Variants in ABHD13 observed in about 807,000 individuals in gnomAD.
ABHD13 encodes abhydrolase domain containing 13, also known as protein ABHD13.
In ABHD13, 7 loss-of-function variants were observed where a neutral mutation model predicts 25.2. That is an observed-to-expected ratio of 0.28 (90% CI 0.16 to 0.52). The LOEUF is 0.52. Ranked by LOEUF, ABHD13 falls within the 20% of genes least tolerant of loss-of-function variation. ABHD13 has a pLI of 0.96. For missense variants in ABHD13, 302 were observed against 402.7 expected, an observed-to-expected ratio of 0.75 and a Z score of 2.14; for synonymous variants, 133 against 136.1, an observed-to-expected ratio of 0.98 and a Z score of 0.16.
rs1485070381 is a variant in ABHD13, at chr13:108,233,352, A to G, written c.*3120A>G. 1 of 166,892 alleles carries G rather than the reference A, an allele frequency of 6.0e-6. No homozygotes were observed. The highest frequency in any genetic ancestry group is 1.9e-4 in the East Asian group (1 of 5,200). 10.3% of individuals were successfully genotyped at this position (166,892 alleles called of 1,614,324 possible). A position where few individuals can be genotyped will look rare whatever the true frequency, so the allele number is the denominator to read the frequency against. On this transcript the variant is annotated 3_prime_UTR_variant, in exon 2 of 2. Coordinates refer to ENST00000375898, the MANE Select transcript of ABHD13 (RefSeq NM_032859.3). ...TTTATAAATTATCTTTCAAGCTCAG[A>G]TAGCTTAAGAGCAGTTTATATTAAG... is the stretch of plus-strand genomic sequence containing the variant.
chr13:108,222,380 A>G (rs907987137), intron 1 of ABHD13, among the ~76,000 whole-genome samples: 2 of 152,086 alleles, frequency 1.3e-5, no homozygotes, highest in African/African-American at 2.4e-5. Flanking sequence ...TGGAGAAAAT[A>G]TTACTGGGTA....
At chr13:108,224,680 T>C (rs1458634547) in intron 1 of ABHD13, among the ~76,000 whole-genome samples, 13 of 152,158 alleles carry the variant, frequency 8.5e-5, no homozygotes, top group African/African-American at 3.1e-4. Flanking sequence ...AGCTTTACAG[T>C]TCTAGACGGC....
chr13:108,230,404 A>G lies in ABHD13; in HGVS notation c.*172A>G. On this transcript the variant is annotated 3_prime_UTR_variant, in exon 2 of 2. Coordinates refer to ENST00000375898, the MANE Select transcript of ABHD13 (RefSeq NM_032859.3). Reference sequence around the variant, plus strand: ...ATAGTTTTTTACATTGGAAAAACTAATTCTTGGGATTCTTTCATACATTTT... The same window carrying G: ...ATAGTTTTTTACATTGGAAAAACTAGTTCTTGGGATTCTTTCATACATTTT... The G allele has an allele frequency of 1.8e-6, 1 of 564,314 alleles. No homozygotes were observed. The highest frequency in any genetic ancestry group is 3.1e-6 in the Non-Finnish European group (1 of 322,140). 35.0% of individuals were successfully genotyped at this position (564,314 alleles called of 1,614,324 possible). A position where few individuals can be genotyped will look rare whatever the true frequency, so the allele number is the denominator to read the frequency against.
chr13:108,230,485 T>TA lies in ABHD13; in HGVS notation c.*255dup, dbSNP rs1297123082. On this transcript the variant is annotated 3_prime_UTR_variant, in exon 2 of 2. Coordinates refer to ENST00000375898, the MANE Select transcript of ABHD13 (RefSeq NM_032859.3). Reference sequence around the variant, plus strand: ...ATATCTTCAGTTTAATATGTCAGTATAATAGATATTGTTCAAAAGTTTCTT... The same window carrying TA: ...ATATCTTCAGTTTAATATGTCAGTATAAATAGATATTGTTCAAAAGTTTCTT... 1 of 321,670 alleles carries TA rather than the reference T, an allele frequency of 3.1e-6. No individual in the cohort carries two copies. The highest frequency in any genetic ancestry group is 6.0e-6 in the Non-Finnish European group (1 of 165,894). The allele number at this position is 321,670 out of a possible 1,614,324, so 19.9% of individuals were successfully genotyped here.
chr13:108,229,397 T>G lies in ABHD13; in HGVS notation c.179T>G (p.Phe60Cys), dbSNP rs749911923. Residue 60 changes from phenylalanine (F) to cysteine (C), a missense_variant, in exon 2 of 2, where the codon TTC becomes TGC. Phe to Cys is a radical substitution (Grantham distance 205). Coordinates refer to ENST00000375898, the MANE Select transcript of ABHD13 (RefSeq NM_032859.3). This position sits in a 1 kb window ranked among gnomAD's most constrained non-coding sequence, Gnocchi z 4.7. ...TCAATAGCAGGTATTCTGTATAAAT[T>G]CCAGGATGTATTGCTTTATTTTCCA... is the stretch of plus-strand genomic sequence containing the variant. The part of the protein sequence containing the change: ...FISIAGILYK[F>C]QDVLLYFPEQ... 6 of 1,612,580 alleles carry G rather than the reference T, an allele frequency of 3.7e-6. No homozygotes were observed. In the African/African-American group the frequency reaches 8.0e-5, roughly 22 times the overall value.
At position 108,231,062 on chromosome 13, in the gene ABHD13, T is replaced by G. The variant is rs1476820060; in HGVS notation, c.*830T>G. ...AGAGAATTTTAGCTTCTATCGATTT[T>G]GTAAGTCTTCAGCTGAACCACTAAT... On this transcript the variant is annotated 3_prime_UTR_variant, in exon 2 of 2. Coordinates refer to ENST00000375898, the MANE Select transcript of ABHD13 (RefSeq NM_032859.3). The G allele has an allele frequency of 6.0e-6, 1 of 166,772 alleles. No homozygotes were observed. Among genetic ancestry groups the G allele is most frequent in the Non-Finnish European group, 1.5e-5 (1 of 67,976 alleles). 10.3% of individuals were successfully genotyped at this position (166,772 alleles called of 1,614,324 possible).
chr13:108,219,566 C>T (rs1462753805), intron 1 of ABHD13, among the ~76,000 whole-genome samples: 2 of 152,052 alleles, frequency 1.3e-5, no homozygotes, highest in Admixed American at 6.6e-5. Context: ...TCTTGATTGC[C>T]GATTTAGTGT....
rs1879843073 is a variant in ABHD13, at chr13:108,233,122, G to A, written c.*2890G>A. The A allele has an allele frequency of 6.0e-6, 1 of 166,616 alleles. No individual in the cohort carries two copies. The highest frequency in any genetic ancestry group is 2.1e-4 in the South Asian group (1 of 4,824). 10.3% of individuals were successfully genotyped at this position (166,616 alleles called of 1,614,324 possible). ...AATGGTGTTCTGAATTTTGCTACAG[G>A]GCTGCTTAAATTTATGATTACCTGT... On this transcript the variant is annotated 3_prime_UTR_variant, in exon 2 of 2. Transcript: ENST00000375898.
rs1256735788 is a variant in ABHD13, at chr13:108,229,063, TA to T, written c.-20-135del. 7.3e-6 allele frequency: 4 copies of T among 545,304 alleles called. No homozygotes were observed. The African/African-American group carries it at 7.9e-5, about 11-fold the overall frequency. 33.8% of individuals were successfully genotyped at this position (545,304 alleles called of 1,614,324 possible). A position where few individuals can be genotyped will look rare whatever the true frequency, so the allele number is the denominator to read the frequency against. On this transcript the variant is annotated intron_variant, in intron 1 of 1. Transcript: ENST00000375898. The surrounding 1 kb of genome is among the most constrained non-coding windows in gnomAD (Gnocchi z 4.7). The stretch of plus-strand genomic sequence containing the variant: ...AAAGGACAAGGGAAATTATAGCAGC[TA>T]CTTTTGTGGATGGACTGTACCTATT...
intron 1 of ABHD13, among the ~76,000 whole-genome samples, chr13:108,224,682 C>T (rs1879636790): frequency 6.6e-6 from 1 of 152,122 alleles, no homozygotes; most frequent in Non-Finnish European, 1.5e-5. Context: ...CTTTACAGTT[C>T]TAGACGGCTC....
At chr13:108,227,153 T>C (rs1427710633) in intron 1 of ABHD13, among the ~76,000 whole-genome samples, 2 of 152,156 alleles carry the variant, frequency 1.3e-5, no homozygotes, top group Non-Finnish European at 2.9e-5. Flanking sequence ...TTCAGGAATG[T>C]TTTGTGGAAA....
At chr13:108,226,961 G>A (rs1879686728) in intron 1 of ABHD13, among the ~76,000 whole-genome samples, 1 of 151,980 alleles carries the variant, frequency 6.6e-6, no homozygotes, top group South Asian at 2.1e-4. Context: ...ATGTTAAGGA[G>A]AAAACACACC....
chr13:108,225,582 T>C (rs1367924463), intron 1 of ABHD13, among the ~76,000 whole-genome samples: 4 of 152,156 alleles, frequency 2.6e-5, no homozygotes, highest in Non-Finnish European at 5.9e-5. Context: ...GAGATCATTA[T>C]GAGAAGTCAG....
In ABHD13 at chr13:108,229,999, C is replaced by G. The variant is rs1323754287; in HGVS notation, c.781C>G (p.Leu261Val). 1.9e-6 allele frequency: 3 copies of G among 1,613,102 alleles called. No individual in the cohort carries two copies. Among genetic ancestry groups the G allele is most frequent in the Non-Finnish European group, 2.5e-6 (3 of 1,179,404 alleles). Residue 261 changes from leucine to valine, a missense_variant, in exon 2 of 2, where the codon CTT (leucine) becomes GTT (valine). Coordinates refer to ENST00000375898, the MANE Select transcript of ABHD13 (RefSeq NM_032859.3). The surrounding 1 kb of genome is among the most constrained non-coding windows in gnomAD (Gnocchi z 4.7). Reference sequence around the variant, plus strand: ...AATCTCTCAGTGTAGAATGCCTTCACTTTTCATCTCTGGACTCTCAGATCA... The same window carrying G: ...AATCTCTCAGTGTAGAATGCCTTCAGTTTTCATCTCTGGACTCTCAGATCA... ...RKISQCRMPS[L>V]FISGLSDQLI... is the part of the protein sequence containing the mutation.
At chr13:108,225,264 C>T (rs979113844) in intron 1 of ABHD13, among the ~76,000 whole-genome samples, 47 of 152,040 alleles carry the variant, frequency 3.1e-4, no homozygotes, top group African/African-American at 9.6e-4. Flanking sequence ...GCATCAGGTA[C>T]GTGAGGAACA....
intron 1 of ABHD13, among the ~76,000 whole-genome samples, chr13:108,224,025 T>G (rs1879621747): frequency 6.6e-6 from 1 of 152,230 alleles, no homozygotes; most frequent in Non-Finnish European, 1.5e-5. Flanking sequence ...TTTAAAACAT[T>G]GCATAAGTTT....
intron 1 of ABHD13, among the ~76,000 whole-genome samples, chr13:108,228,845 A>T (rs151291124): frequency 2.5e-3 from 373 of 151,842 alleles, no homozygotes; most frequent in African/African-American, 8.3e-3. Context: ...CAGTCTACTT[A>T]TGCCCCTGAG....
chr13:108,225,816 G>A (rs1434699329), intron 1 of ABHD13, among the ~76,000 whole-genome samples: 1 of 152,150 alleles, frequency 6.6e-6, no homozygotes, highest in African/African-American at 2.4e-5. Flanking sequence ...AGAAGTTATT[G>A]ATTATCTACA....
intron 1 of ABHD13, among the ~76,000 whole-genome samples, chr13:108,220,854 G>A (rs888015397): frequency 1.3e-5 from 2 of 152,098 alleles, no homozygotes; most frequent in African/African-American, 2.4e-5. Context: ...CTAGTTTATA[G>A]GTAAAGTTTT....
Sources: allele counts gnomAD v4.1 joint callset (sites outside exome capture counted in the v4.1 genomes callset), GRCh38; gene constraint gnomAD v4.1.1; non-coding constraint Gnocchi (gnomAD v3.1); transcripts MANE v1.5; gene names NCBI Gene and HGNC (gene_info 2026-07-23, HGNC 2026-07-21).